Variants in TIMM23B observed in about 807,000 individuals in gnomAD.
TIMM23B encodes translocase of inner mitochondrial membrane 23 homolog B, also known as mitochondrial import inner membrane translocase subunit Tim23B.
A neutral mutation model predicts 27.3 loss-of-function variants in TIMM23B; 27 were observed. The observed-to-expected ratio is 0.99, with a 90% CI of 0.73 to 1.36. The LOEUF is 1.36. TIMM23B is among the 40% of genes most tolerant of loss of function. TIMM23B has a pLI of 0.00. For missense variants in TIMM23B, 205 were observed against 244.2 expected, an observed-to-expected ratio of 0.84 and a Z score of 1.07; for synonymous variants, 73 against 92.4, an observed-to-expected ratio of 0.79 and a Z score of 1.21.
chr10:49,954,788 A>T (rs1180552823), intron 4 of TIMM23B, among the ~76,000 whole-genome samples: 1 of 150,294 alleles, frequency 6.7e-6, no homozygotes, highest in African/African-American at 2.4e-5. Context: ...AGTCCTTAAG[A>T]CTTTTGCCTA....
intron 2 of TIMM23B, 36 bp from the exon 3 acceptor site, chr10:49,952,090 G>A (rs879860215): frequency 0.55 from 797,551 of 1,454,176 alleles, 220,044 homozygotes; most frequent in East Asian, 0.58. Context: ...GTGTCTTGAG[G>A]GACACTCAGC....
chr10:49,967,549 T>G (rs1840218072), intron 6 of TIMM23B, among the ~76,000 whole-genome samples: 1 of 149,890 alleles, frequency 6.7e-6, no homozygotes, highest in Admixed American at 6.6e-5. Flanking sequence ...GGTCAGCAGA[T>G]TATTTACCTC....
intron 2 of TIMM23B, among the ~76,000 whole-genome samples, chr10:49,946,414 A>G (rs1170894886): frequency 6.6e-6 from 1 of 152,230 alleles, no homozygotes; most frequent in Non-Finnish European, 1.5e-5. Flanking sequence ...AAGTTAAACT[A>G]TCTGTTTACA....
intron 2 of TIMM23B, among the ~76,000 whole-genome samples, chr10:49,946,984 T>C (rs1789084945): frequency 1.3e-5 from 2 of 152,198 alleles, no homozygotes; most frequent in African/African-American, 4.8e-5. Context: ...AGACAGACCT[T>C]ATACAATATA....
At chr10:49,972,287 T>C (rs1225590445) in intron 6 of TIMM23B, among the ~76,000 whole-genome samples, 5 of 152,190 alleles carry the variant, frequency 3.3e-5, no homozygotes, top group African/African-American at 1.2e-4. Context: ...TTCGGCACTT[T>C]AGGACAGCGT....
chr10:49,968,835 A>G (rs551695755), intron 6 of TIMM23B, among the ~76,000 whole-genome samples: 147 of 152,230 alleles, frequency 9.7e-4, no homozygotes, highest in African/African-American at 3.1e-3. Context: ...ACTCCGTCTC[A>G]AAAAAAGAAA....
chr10:49,970,627 G>T (rs1840393558), intron 6 of TIMM23B, among the ~76,000 whole-genome samples: 1 of 139,658 alleles, frequency 7.2e-6, no homozygotes, highest in African/African-American at 2.6e-5. Flanking sequence ...TGGGGGGGCA[G>T]CCCCCGCCCG....
In TIMM23B at chr10:49,958,489, T is replaced by C; in HGVS notation, c.514+9T>C. The C allele has an allele frequency of 6.2e-7, 1 of 1,608,118 alleles. No individual in the cohort carries two copies. The highest frequency in any genetic ancestry group is 1.1e-5 in the South Asian group (1 of 90,734). ...GTTGTATAAATGTACAGGTGAGTAC[T>C]GTTGAATGGGGAGCCATCTCTTAAT... On this transcript the variant is annotated intron_variant, in intron 6 of 6. Transcript: ENST00000651259.
In TIMM23B at chr10:49,945,050, T is replaced by C. The variant is rs1292887639; in HGVS notation, c.125T>C (p.Leu42Pro). 1.3e-6 allele frequency: 2 copies of C among 1,598,866 alleles called. No homozygotes were observed. Among genetic ancestry groups the C allele is most frequent in the East Asian group, 4.5e-5 (2 of 44,838 alleles). The change falls in exon 2 of 7, where the codon CTG becomes CCG. Residue 42 changes from leucine (L) to proline (P), a missense_variant. Transcript: ENST00000651259. ...AGVPLTGMNP[L>P]CPYLNVDPRY... is the part of the protein sequence containing the mutation. The stretch of plus-strand genomic sequence containing the variant: ...TCTCTAGTAACTGGTATGAACCCTC[T>C]GTGTCCTTATTTAAATGTGGATCCA...
intron 5 of TIMM23B, among the ~76,000 whole-genome samples, chr10:49,955,336 T>C (rs1429959009): frequency 6.6e-6 from 1 of 152,236 alleles, no homozygotes; most frequent in Admixed American, 6.5e-5. Flanking sequence ...AATAAAATCA[T>C]GTTTAAATGA....
intron 6 of TIMM23B, among the ~76,000 whole-genome samples, chr10:49,959,893 C>A (rs1283930315): frequency 1.3e-5 from 2 of 151,900 alleles, no homozygotes; most frequent in African/African-American, 2.4e-5. Context: ...GGACTGCAGG[C>A]ACACACCACC....
At position 49,942,275 on chromosome 10, in the gene TIMM23B, G is replaced by C; in HGVS notation, c.81G>C (p.Ser27=). The part of the protein sequence containing the change: ...GFFGAGEAGY[S]HADLAGVPLT... The stretch of plus-strand genomic sequence containing the variant: ...TCGGAGCCGGCGAAGCAGGTTACTC[G>C]CACGCGGATTTGGCTGGCGTCCCGC... Residue 27 remains serine (S), a synonymous_variant, in exon 1 of 7, where the codon TCG becomes TCC. Coordinates refer to ENST00000651259, the MANE Select transcript of TIMM23B (RefSeq NM_001290117.2). 1 of 1,612,482 alleles carries C rather than the reference G, an allele frequency of 6.2e-7. No individual in the cohort carries two copies. The highest frequency in any genetic ancestry group is 8.5e-7 in the Non-Finnish European group (1 of 1,179,208).
intron 6 of TIMM23B, 92 bp downstream of exon 6, chr10:49,958,572 A>C (rs1334289808): frequency 3.5e-6 from 3 of 868,442 alleles, no homozygotes; most frequent in Non-Finnish European, 5.7e-6. Flanking sequence ...ACTCTGTTGC[A>C]GTATAATCTA....
rs1839793285 is a variant in TIMM23B at position 49,958,417 on chromosome 10, G to T, written c.451G>T (p.Ala151Ser). The change falls in exon 6 of 7, where the codon GCA (alanine) becomes TCA (serine). Residue 151 changes from alanine to serine, a missense_variant. Coordinates refer to ENST00000651259, the MANE Select transcript of TIMM23B (RefSeq NM_001290117.2). ...TGTCATCATTGAGAAAACACGAGGTGCAGAAGATGACCTTAACACAGTAGC... is the reference window on the plus strand; with the variant it reads ...TGTCATCATTGAGAAAACACGAGGTTCAGAAGATGACCTTAACACAGTAGC... The part of the protein sequence containing the change: ...FGVIIEKTRG[A>S]EDDLNTVAAG... 1 of 1,613,910 alleles carries T rather than the reference G, an allele frequency of 6.2e-7. No homozygotes were observed.
intron 2 of TIMM23B, among the ~76,000 whole-genome samples, chr10:49,946,292 C>CCT (rs1167480596): frequency 4.0e-5 from 6 of 151,438 alleles, no homozygotes; most frequent in African/African-American, 1.2e-4. Flanking sequence ...AGACTGAATG[C>CCT]CTTCTCCCTA....
chr10:49,964,108 TAAATG>T (rs1322425489), intron 6 of TIMM23B, among the ~76,000 whole-genome samples: 1 of 150,262 alleles, frequency 6.7e-6, no homozygotes, highest in Non-Finnish European at 1.5e-5. Flanking sequence ...GGGAATGGAA[TAAATG>T]AAATGAAGAA....
In TIMM23B at chr10:49,942,178, C is replaced by G; in HGVS notation, c.-17C>G. 3 of 1,576,098 alleles carry G rather than the reference C, an allele frequency of 1.9e-6. No homozygotes were observed. Among genetic ancestry groups the G allele is most frequent in the Non-Finnish European group, 2.6e-6 (3 of 1,158,274 alleles). On this transcript the variant is annotated 5_prime_UTR_variant, in exon 1 of 7. Coordinates refer to ENST00000651259, the MANE Select transcript of TIMM23B (RefSeq NM_001290117.2). ...GCTTGAGGCAGCGGCGGGAACCACT[C>G]GGTTTGCTGCGATACCATGGAAGGA... is the stretch of plus-strand genomic sequence containing the variant.
chr10:49,965,941 A>T (rs1554855370), intron 6 of TIMM23B, among the ~76,000 whole-genome samples: 1 of 149,134 alleles, frequency 6.7e-6, no homozygotes, highest in East Asian at 2.0e-4. Context: ...ACGAAATGAA[A>T]TGAAATGATG....
At chr10:49,963,888 C>A (rs1348994496) in intron 6 of TIMM23B, among the ~76,000 whole-genome samples, 4 of 152,048 alleles carry the variant, frequency 2.6e-5, no homozygotes, top group Admixed American at 1.3e-4. Flanking sequence ...TCGCTTGAAC[C>A]CAGGAGGCAG....
Sources: gnomAD v4.1 joint callset for allele counts (sites outside exome capture counted in the v4.1 genomes callset) on GRCh38, gnomAD v4.1.1 for gene constraint, MANE v1.5 for transcripts, NCBI Gene and HGNC (gene_info 2026-07-23, HGNC 2026-07-21) for gene names.